The following ZNF469 variants were observed in gnomAD, a reference collection of about 807,000 sequenced individuals.
ZNF469 encodes zinc finger protein 469.
ZNF469 carries 1 observed loss-of-function variant against 1.0 expected under a neutral mutation model. The observed-to-expected ratio is 1.00, with a 90% CI of 0.35 to 4.73. The LOEUF is 4.73. Among genes scored for constraint, ZNF469 ranks in the 30% most tolerant of loss-of-function variants. The probability of loss-of-function intolerance (pLI) is 0.16; values close to 1 mark genes in which losing one functional copy is unlikely to be tolerated. For synonymous variants in ZNF469, 2,703 were observed against 2,363.4 expected (o/e 1.14, Z -4.17); for missense variants, 6,100 against 5,356.3 (o/e 1.14, Z -4.33).
chr16:88,321,697 A>G, the ZNF469 span, among the ~76,000 whole-genome samples: 3 of 150,648 alleles, frequency 2.0e-5, no homozygotes, highest in African/African-American at 7.4e-5. Context: ...GTGGCCTCAG[A>G]TTCTGCATGT....
chr16:88,187,544 A>G, the ZNF469 span, among the ~76,000 whole-genome samples: 5 of 152,186 alleles, frequency 3.3e-5, no homozygotes, highest in Admixed American at 2.6e-4. Context: ...CCGGGACCCC[A>G]ACAACTGCTC....
the ZNF469 span, among the ~76,000 whole-genome samples, chr16:88,340,759 G>A: frequency 6.6e-6 from 1 of 151,808 alleles, no homozygotes; most frequent in Admixed American, 6.6e-5. Flanking sequence ...GGGGAGGGTG[G>A]GTCAGAGGGG....
the ZNF469 span, among the ~76,000 whole-genome samples, chr16:88,353,146 C>T: frequency 5.3e-5 from 8 of 152,062 alleles, no homozygotes; most frequent in Non-Finnish European, 8.8e-5. Flanking sequence ...GAATGCTGGT[C>T]GCCTAACAGT....
chr16:88,363,741 A>G, the ZNF469 span, among the ~76,000 whole-genome samples: 2 of 152,244 alleles, frequency 1.3e-5, no homozygotes, highest in Non-Finnish European at 2.9e-5. Context: ...TGTAAAACCC[A>G]GAAAACACCA....
the ZNF469 span, among the ~76,000 whole-genome samples, chr16:88,332,287 C>T: frequency 1.3e-5 from 2 of 152,244 alleles, no homozygotes; most frequent in African/African-American, 4.8e-5. Context: ...TTCGGCACAG[C>T]GTCCAAGAAT....
At chr16:88,120,505 G>A in the ZNF469 span, among the ~76,000 whole-genome samples, 1 of 152,254 alleles carries the variant, frequency 6.6e-6, no homozygotes, top group Non-Finnish European at 1.5e-5. Context: ...TGGTGTTACT[G>A]TGACGGTCAC....
rs563809072 is a variant in ZNF469 at position 88,406,413 on chromosome 16, C to T, written c.-191-18394C>T. Reference sequence around the variant, plus strand: ...AGTGCCCCCCACGCTGGGAAGCCCCCGCTGCCCGCTGTGGCCTTCCTGTCC... The same window carrying T: ...AGTGCCCCCCACGCTGGGAAGCCCCTGCTGCCCGCTGTGGCCTTCCTGTCC... On this transcript the variant is annotated intron_variant, in intron 1 of 2. Coordinates refer to ENST00000565624, the MANE Select transcript of ZNF469 (RefSeq NM_001367624.2). Among the ~76,000 whole-genome samples the T allele has an allele frequency of 7.2e-5, 11 of 152,356 alleles. No individual in the cohort carries two copies. In the South Asian group the frequency reaches 2.3e-3, roughly 32 times the overall value.
At chr16:88,232,597 G>A in the ZNF469 span, among the ~76,000 whole-genome samples, 1 of 152,346 alleles carries the variant, frequency 6.6e-6, no homozygotes, top group South Asian at 2.1e-4. Flanking sequence ...GGTGCCCTGG[G>A]TGCAGTGATG....
chr16:88,382,649 GGGAGCT>G (rs1599341422), upstream of ZNF469, among the ~76,000 whole-genome samples: 1 of 152,222 alleles, frequency 6.6e-6, no homozygotes, highest in East Asian at 1.9e-4. Context: ...TGGGCACCTG[GGGAGCT>G]GGAGCGCAGG....
At chr16:88,256,896 T>TCTCTCTCTCTCTCTCTC in the ZNF469 span, among the ~76,000 whole-genome samples, 3 of 27,162 alleles carry the variant, frequency 1.1e-4, no homozygotes, top group Non-Finnish European at 1.7e-4. Flanking sequence ...TTTTCTTTCC[T>TCTCTCTCTCTCTCTCTC]TCTTTCTTTC....
chr16:88,163,488 G>T, the ZNF469 span, among the ~76,000 whole-genome samples: 1 of 106,670 alleles, frequency 9.4e-6, no homozygotes, highest in Non-Finnish European at 2.3e-5. Flanking sequence ...GGACAGAGAA[G>T]GATGGATGAA....
the ZNF469 span, among the ~76,000 whole-genome samples, chr16:88,158,471 C>T: frequency 6.6e-6 from 1 of 152,112 alleles, no homozygotes; most frequent in Non-Finnish European, 1.5e-5. Flanking sequence ...CTGGGGGCCT[C>T]GGACTCCGAC....
the ZNF469 span, among the ~76,000 whole-genome samples, chr16:88,291,965 G>C: frequency 6.6e-6 from 1 of 152,226 alleles, no homozygotes; most frequent in African/African-American, 2.4e-5. Context: ...GCTGCCCAGG[G>C]AAGGGGCTGG....
chr16:88,126,376 G>T, the ZNF469 span, among the ~76,000 whole-genome samples: 1 of 151,628 alleles, frequency 6.6e-6, no homozygotes, highest in African/African-American at 2.4e-5. Context: ...TCCTGGCCTT[G>T]GGGGAAACGT....
chr16:88,120,704 G>A, the ZNF469 span, among the ~76,000 whole-genome samples: 1 of 152,358 alleles, frequency 6.6e-6, no homozygotes, highest in East Asian at 1.9e-4. Context: ...GTCAGGACAC[G>A]TGGCAGCTCC....
the ZNF469 span, among the ~76,000 whole-genome samples, chr16:88,108,328 C>A: frequency 6.6e-6 from 1 of 152,154 alleles, no homozygotes; most frequent in Non-Finnish European, 1.5e-5. Flanking sequence ...GTGGCCCTGG[C>A]CATCCCTGTG....
chr16:88,130,917 G>A, the ZNF469 span, among the ~76,000 whole-genome samples: 8 of 152,302 alleles, frequency 5.3e-5, no homozygotes, highest in African/African-American at 1.7e-4. Flanking sequence ...GCGGGGTGTC[G>A]GCAGAGACAG....
At chr16:88,240,399 C>A in the ZNF469 span, among the ~76,000 whole-genome samples, 1 of 152,174 alleles carries the variant, frequency 6.6e-6, no homozygotes, top group Non-Finnish European at 1.5e-5. Context: ...GGGAGAGAGG[C>A]CACAGCTAGC....
chr16:88,398,653 GT>G (rs1395180156), intron 1 of ZNF469, among the ~76,000 whole-genome samples: 1 of 141,032 alleles, frequency 7.1e-6, no homozygotes, highest in African/African-American at 2.7e-5. Context: ...TGAAGGGGGG[GT>G]GTGAGCCACA....
Sources: gnomAD v4.1 joint callset for allele counts (sites outside exome capture counted in the v4.1 genomes callset) on GRCh38, gnomAD v4.1.1 for gene constraint, MANE v1.5 for transcripts, NCBI Gene and HGNC (gene_info 2026-07-23, HGNC 2026-07-21) for gene names.